Variants in SORL1 observed in about 807,000 individuals in gnomAD.
SORL1 encodes sortilin related receptor 1, also known as sortilin-related receptor.
SORL1 carries 127 observed loss-of-function variants against 273.7 expected under a neutral mutation model. The observed-to-expected ratio is 0.46, with a 90% CI of 0.40 to 0.54. The LOEUF (loss-of-function observed/expected upper bound fraction) is 0.54, where lower values mean the gene tolerates loss of function less well. Ranked by LOEUF, SORL1 falls within the 20% of genes least tolerant of loss-of-function variation. The pLI is 0.00. For synonymous variants in SORL1, 1,031 were observed against 1,067.4 expected (o/e 0.97, Z 0.66); for missense variants, 2,494 against 2,846.1 (o/e 0.88, Z 2.81).
chr11:121,620,206 G>C (rs1863703657), intron 43 of SORL1, among the ~76,000 whole-genome samples: 1 of 152,184 alleles, frequency 6.6e-6, no homozygotes, highest in Non-Finnish European at 1.5e-5. Flanking sequence ...AGCAAACAAA[G>C]GCCTGCAGGC....
intron 8 of SORL1, among the ~76,000 whole-genome samples, chr11:121,517,404 C>T (rs993281728): frequency 4.6e-5 from 7 of 152,178 alleles, no homozygotes; most frequent in Non-Finnish European, 7.3e-5. Context: ...CCGTGAGTAC[C>T]ATATATCAGT....
chr11:121,529,136 C>G (rs2134867392), intron 11 of SORL1, among the ~76,000 whole-genome samples: 1 of 152,232 alleles, frequency 6.6e-6, no homozygotes, highest in East Asian at 1.9e-4. Context: ...CTCTCTTTAT[C>G]TATTGTAATG....
At chr11:121,612,680 A>G in intron 39 of SORL1, 56 bp from the exon 40 acceptor site, 1 of 1,263,636 alleles carries the variant, frequency 7.9e-7, no homozygotes, top group Non-Finnish European at 1.2e-6. Flanking sequence ...TGCCTTTTGT[A>G]TTTAGTGTGC....
intron 1 of SORL1, among the ~76,000 whole-genome samples, chr11:121,467,555 T>C (rs939326494): frequency 2.0e-5 from 3 of 152,018 alleles, no homozygotes; most frequent in African/African-American, 7.2e-5. Context: ...TTTTTCTAGG[T>C]TCCTAGTCCT....
intron 32 of SORL1, among the ~76,000 whole-genome samples, chr11:121,602,074 C>T (rs1040045533): frequency 2.0e-5 from 3 of 152,152 alleles, no homozygotes; most frequent in Non-Finnish European, 4.4e-5. Flanking sequence ...GGTAGGACCT[C>T]CATGAATGTT....
chr11:121,542,229 A>G (rs1447450799), intron 12 of SORL1, among the ~76,000 whole-genome samples: 1 of 152,232 alleles, frequency 6.6e-6, no homozygotes, highest in East Asian at 1.9e-4. Flanking sequence ...AAGAAAATTA[A>G]CATGAACTCG....
At position 121,595,477 on chromosome 11, in the gene SORL1, C is replaced by G. The variant is rs903081793; in HGVS notation, c.4370-146C>G. On this transcript the variant is annotated intron_variant, in intron 31 of 47. Transcript: ENST00000260197. This position sits in a 1 kb window ranked among gnomAD's most constrained non-coding sequence, Gnocchi z 5.1. ...GCAACATTAGATGTCTGTATCTACT[C>G]TGCTCTCTATCCGGAACTCGCATTT... The G allele has an allele frequency of 5.5e-6, 4 of 722,068 alleles. No individual in the cohort carries two copies. The Admixed American group carries it at 9.9e-5, about 18-fold the overall frequency. 44.7% of individuals were successfully genotyped at this position (722,068 alleles called of 1,614,324 possible).
chr11:121,488,183 C>T lies in SORL1; in HGVS notation c.680C>T (p.Pro227Leu), dbSNP rs745638489. 5 of 1,613,986 alleles carry T rather than the reference C, an allele frequency of 3.1e-6. No individual in the cohort carries two copies. Among genetic ancestry groups the T allele is most frequent in the East Asian group, 2.2e-5 (1 of 44,882 alleles). ...NLLLGFDRSH[P>L]NKQLWKSDDF... ...CTCTTGGGCTTTGACAGGTCCCACC[C>T]CAACAAGCAGGTAAGAGGGCTTTCA... Residue 227 changes from proline (P) to leucine (L), a missense_variant, in exon 4 of 48, where the codon CCC (proline) becomes CTC (leucine). By Grantham distance (98) the Pro-to-Leu change is moderately conservative. This residue lies in a region of SORL1 where 710 missense variants were observed against 882.5 expected (regional missense o/e 0.80). Coordinates refer to ENST00000260197, the MANE Select transcript of SORL1 (RefSeq NM_003105.6).
chr11:121,533,326 A>G (rs1295470546), intron 12 of SORL1, among the ~76,000 whole-genome samples: 1 of 152,172 alleles, frequency 6.6e-6, no homozygotes, highest in East Asian at 1.9e-4. Flanking sequence ...CAGCAAGGCA[A>G]AGTAACTTGC....
intron 23 of SORL1, among the ~76,000 whole-genome samples, chr11:121,572,732 G>A (rs1394868988): frequency 6.6e-6 from 1 of 152,124 alleles, no homozygotes; most frequent in East Asian, 1.9e-4. Context: ...ATGCAGGAGG[G>A]TGTTGTCAGT....
intron 6 of SORL1, among the ~76,000 whole-genome samples, chr11:121,502,124 C>CTTTTTTTTTTTTTTTTTTTTTTTT (rs57842880): frequency 1.5e-5 from 1 of 65,176 alleles, no homozygotes; most frequent in African/African-American, 5.3e-5. Flanking sequence ...TGTGACAATT[C>CTTTTTTTTTTTTTTTTTTTTTTTT]TTTTTTTTTT....
chr11:121,576,728 G>A (rs752456801), intron 24 of SORL1: 814 of 1,447,694 alleles, frequency 5.6e-4, no homozygotes, highest in Non-Finnish European at 7.0e-4. Flanking sequence ...TCTAGAGACA[G>A]CGCATCCACC....
chr11:121,519,806 T>C (rs1410205239), intron 8 of SORL1, among the ~76,000 whole-genome samples: 1 of 152,222 alleles, frequency 6.6e-6, no homozygotes, highest in Non-Finnish European at 1.5e-5. Context: ...CACTGGAGGA[T>C]TTGGAGTCAA....
At chr11:121,515,567 C>T (rs1452938327) in intron 8 of SORL1, among the ~76,000 whole-genome samples, 1 of 152,190 alleles carries the variant, frequency 6.6e-6, no homozygotes, top group African/African-American at 2.4e-5. Flanking sequence ...AAGGAAGAAA[C>T]AGGACCTAAG....
intron 3 of SORL1, among the ~76,000 whole-genome samples, chr11:121,481,992 A>G (rs1038927272): frequency 6.6e-6 from 1 of 152,244 alleles, no homozygotes; most frequent in South Asian, 2.1e-4. Flanking sequence ...GGCAGGCTCC[A>G]TCTCTTCTTC....
Position 121,545,355 on chromosome 11 carries a change from A to C in SORL1, c.1977A>C (p.Thr659=), listed in dbSNP as rs143270294. 5.6e-6 allele frequency: 9 copies of C among 1,614,072 alleles called. No individual in the cohort carries two copies. The highest frequency in any genetic ancestry group is 7.6e-6 in the Non-Finnish European group (9 of 1,180,044). Residue 659 remains threonine, a synonymous_variant, in exon 14 of 48, where the codon ACA becomes ACC. Transcript: ENST00000260197. The part of the protein sequence containing the change: ...TVFKRRTPHA[T]CFNGEDFDRP... ...TCAAACGGCGGACCCCCCATGCCAC[A>C]TGCTTCAATGGAGAGGACTTTGACA...
chr11:121,592,948 TC>T (rs1374499273), intron 31 of SORL1, among the ~76,000 whole-genome samples: 9 of 152,364 alleles, frequency 5.9e-5, no homozygotes, highest in African/African-American at 2.2e-4. Context: ...TTTTGTACTT[TC>T]TTTTTTGTGC....
intron 45 of SORL1, among the ~76,000 whole-genome samples, chr11:121,624,410 G>C (rs1863765072): frequency 6.6e-6 from 1 of 152,132 alleles, no homozygotes; most frequent in Admixed American, 6.5e-5. Flanking sequence ...CCTGGGCCAG[G>C]GCTGTCCCCA....
At position 121,555,390 on chromosome 11, in the gene SORL1, A is replaced by G. The variant is rs577276286; in HGVS notation, c.2571+72A>G. On this transcript the variant is annotated intron_variant, in intron 18 of 47. Coordinates refer to ENST00000260197, the MANE Select transcript of SORL1 (RefSeq NM_003105.6). ...ACCTGGGCTTTGAGCCACATTTGACACAGAGGCAAGGGCCAGTGTGTCAGA... is the reference window on the plus strand; with the variant it reads ...ACCTGGGCTTTGAGCCACATTTGACGCAGAGGCAAGGGCCAGTGTGTCAGA... The G allele has an allele frequency of 1.3e-5, 21 of 1,577,176 alleles. No individual in the cohort carries two copies. The South Asian group carries it at 2.2e-4, about 16-fold the overall frequency.
Sources: allele counts gnomAD v4.1 joint callset (sites outside exome capture counted in the v4.1 genomes callset), GRCh38; gene constraint gnomAD v4.1.1; regional missense constraint gnomAD v4.1.1; non-coding constraint Gnocchi (gnomAD v3.1); transcripts MANE v1.5; gene names NCBI Gene and HGNC (gene_info 2026-07-23, HGNC 2026-07-21).